The following ACACA variants were observed in gnomAD, a reference collection of about 807,000 sequenced individuals.
ACACA encodes the protein acetyl-CoA carboxylase alpha, also known as acetyl-CoA carboxylase 1.
A neutral mutation model predicts 296.1 loss-of-function variants in ACACA; 103 were observed. That is an observed-to-expected ratio of 0.35 (90% CI 0.30 to 0.41). The LOEUF (loss-of-function observed/expected upper bound fraction) is 0.41, where lower values mean the gene tolerates loss of function less well. Among genes scored for constraint, ACACA ranks in the 10% least tolerant of loss-of-function variants. The pLI, the probability that ACACA is intolerant of heterozygous loss-of-function variation, is 1.00. For synonymous variants in ACACA, 953 were observed against 1,038.6 expected (o/e 0.92, Z 1.58); for missense variants, 1,554 against 2,989.7 (o/e 0.52, Z 11.20).
rs2072159188 is a variant in ACACA at position 37,085,772 on chromosome 17, G to A, written c.*1544C>T. 1 of 399,096 alleles carries A rather than the reference G, an allele frequency of 2.5e-6. No homozygotes were observed. Among genetic ancestry groups the A allele is most frequent in the African/African-American group, 2.1e-5 (1 of 48,632 alleles). 24.7% of individuals were successfully genotyped at this position (399,096 alleles called of 1,614,324 possible). ...ACAGATTCCTCCTGAAGAAGGGGAG[G>A]TGGAGCTCGTTCTTGTGTGCAAACT... is the stretch of plus-strand genomic sequence containing the variant. On this transcript the variant is annotated 3_prime_UTR_variant, in exon 56 of 56. Transcript: ENST00000616317.
chr17:37,298,329 T>C (rs946516845), intron 3 of ACACA, among the ~76,000 whole-genome samples: 3 of 152,204 alleles, frequency 2.0e-5, no homozygotes, highest in African/African-American at 4.8e-5. Context: ...CTAAGTTTAG[T>C]TTAACTTTCA....
At chr17:37,106,223 T>C (rs990195027) in intron 52 of ACACA, among the ~76,000 whole-genome samples, 1 of 152,202 alleles carries the variant, frequency 6.6e-6, no homozygotes, top group Non-Finnish European at 1.5e-5. Flanking sequence ...AAAAGCATTC[T>C]TGAAAAACTG....
At chr17:37,329,475 A>G (rs1201250609) in intron 3 of ACACA, among the ~76,000 whole-genome samples, 1 of 151,890 alleles carries the variant, frequency 6.6e-6, no homozygotes, top group Non-Finnish European at 1.5e-5. Context: ...CCCGGTGTCT[A>G]TCAAAAACAA....
intron 30 of ACACA, 79 bp from the exon 31 acceptor site, chr17:37,207,879 A>T: frequency 1.9e-6 from 3 of 1,546,620 alleles, no homozygotes; most frequent in Non-Finnish European, 2.7e-6. Flanking sequence ...GGGAAAAGGA[A>T]CTAGGAGAAA....
rs972530794 is a variant in ACACA, at chr17:37,245,019, C to T, written c.2595+61G>A. ...AACCAAGCATTGAAATCACTTGCCT[C>T]TCCAAACCACCAAGTTCTTTAGCTC... On this transcript the variant is annotated intron_variant, in intron 20 of 55. Coordinates refer to ENST00000616317, the MANE Select transcript of ACACA (RefSeq NM_198834.3). 24 of 1,611,868 alleles carry T rather than the reference C, an allele frequency of 1.5e-5. No homozygotes were observed. The African/African-American group carries it at 2.4e-4, about 16-fold the overall frequency.
chr17:37,096,282 C>G (rs1013714121), intron 54 of ACACA, among the ~76,000 whole-genome samples: 2 of 152,202 alleles, frequency 1.3e-5, no homozygotes, highest in Non-Finnish European at 2.9e-5. Context: ...AACTCCTTGA[C>G]AGCTTACATG....
intron 5 of ACACA, among the ~76,000 whole-genome samples, chr17:37,280,946 T>C (rs1598392887): frequency 6.6e-6 from 1 of 152,150 alleles, no homozygotes; most frequent in East Asian, 1.9e-4. Context: ...CCTTTATGCA[T>C]TTGCAATGCT....
chr17:37,373,154 T>C (rs538099566), intron 1 of ACACA, among the ~76,000 whole-genome samples: 143 of 152,048 alleles, frequency 9.4e-4, no homozygotes, highest in African/African-American at 3.3e-3. Flanking sequence ...GCTGGGATTA[T>C]GGGCGTGAGC....
intron 1 of ACACA, among the ~76,000 whole-genome samples, chr17:37,363,432 T>C: frequency 6.6e-6 from 1 of 151,708 alleles, no homozygotes. Flanking sequence ...CCACCCGCCT[T>C]GGCCTCCCAA....
intron 16 of ACACA, 44 bp from the exon 17 acceptor site, chr17:37,248,718 G>A: frequency 2.2e-6 from 3 of 1,360,992 alleles, no homozygotes; most frequent in Non-Finnish European, 3.1e-6. Flanking sequence ...AGTTCTAACA[G>A]TTATAAGAGA....
intron 52 of ACACA, among the ~76,000 whole-genome samples, chr17:37,108,576 C>T (rs145413442): frequency 0.016 from 2,424 of 152,074 alleles, 65 homozygotes; most frequent in African/African-American, 0.053. Context: ...TTAGTAGAGA[C>T]GGGGTTTCTC....
Position 37,310,931 on chromosome 17 carries a change from G to A in ACACA, c.338+19242C>T, listed in dbSNP as rs187897206. Among the ~76,000 whole-genome samples the A allele has an allele frequency of 4.5e-4, 68 of 152,228 alleles. 1 individual carries two copies. The highest frequency in any genetic ancestry group is 1.6e-3 in the African/African-American group (66 of 41,528). On this transcript the variant is annotated intron_variant, in intron 3 of 55. Coordinates refer to ENST00000616317, the MANE Select transcript of ACACA (RefSeq NM_198834.3). ...GACTTGCAAGGGAGACTGGAGATTGGTAAGAGTAGAATGGAGGTAACACAG... is the reference window on the plus strand; with the variant it reads ...GACTTGCAAGGGAGACTGGAGATTGATAAGAGTAGAATGGAGGTAACACAG...
At chr17:37,365,344 C>G in intron 1 of ACACA, 1 of 629,008 alleles carries the variant, frequency 1.6e-6, no homozygotes, top group Non-Finnish European at 2.0e-6. Context: ...CAGAGACCAT[C>G]TCTTATAGTT....
chr17:37,135,993 C>T (rs796214301), intron 45 of ACACA, among the ~76,000 whole-genome samples: 7 of 150,636 alleles, frequency 4.6e-5, no homozygotes, highest in African/African-American at 1.7e-4. Flanking sequence ...GCAATCCTCT[C>T]GCCTCAGTTT....
chr17:37,257,946 T>A (rs2081292420), intron 13 of ACACA, 80 bp from the exon 14 acceptor site: 1 of 1,538,890 alleles, frequency 6.5e-7, no homozygotes, highest in Non-Finnish European at 9.0e-7. Flanking sequence ...TTAAGTTCTC[T>A]GTTAATCACA....
intron 55 of ACACA, 102 bp downstream of exon 55, chr17:37,088,836 G>A: frequency 6.9e-7 from 1 of 1,441,158 alleles, no homozygotes; most frequent in South Asian, 1.1e-5. Flanking sequence ...AGACTGCAGA[G>A]ATCATAAGAT....
At chr17:37,249,891 G>A (rs2080901088) in intron 16 of ACACA, among the ~76,000 whole-genome samples, 1 of 152,160 alleles carries the variant, frequency 6.6e-6, no homozygotes, top group South Asian at 2.1e-4. Flanking sequence ...TTGAATCATG[G>A]GGGCGGTTCC....
intron 3 of ACACA, among the ~76,000 whole-genome samples, chr17:37,294,338 T>C (rs1333362481): frequency 6.6e-6 from 1 of 152,224 alleles, no homozygotes; most frequent in Non-Finnish European, 1.5e-5. Flanking sequence ...TATACTTAAG[T>C]CACGTGAACT....
intron 3 of ACACA, among the ~76,000 whole-genome samples, chr17:37,317,541 C>T (rs1004399579): frequency 3.3e-5 from 5 of 152,046 alleles, no homozygotes; most frequent in South Asian, 4.2e-4. Flanking sequence ...CCAGCCTGGG[C>T]GACACAGCAA....
Sources: gnomAD v4.1 joint callset for allele counts (sites outside exome capture counted in the v4.1 genomes callset) on GRCh38, gnomAD v4.1.1 for gene constraint, MANE v1.5 for transcripts, NCBI Gene and HGNC (gene_info 2026-07-23, HGNC 2026-07-21) for gene names.